BRAF: variants seen among roughly 807,000 people sequenced by gnomAD.
BRAF encodes the protein serine/threonine-protein kinase B-raf.
In BRAF, 16 loss-of-function variants were observed where a neutral mutation model predicts 104.6. That is an observed-to-expected ratio of 0.15 (90% CI 0.10 to 0.23). The LOEUF is 0.23. Among genes scored for constraint, BRAF ranks in the 10% least tolerant of loss-of-function variants. The pLI is 1.00. For synonymous variants in BRAF, 310 were observed against 341.6 expected, an observed-to-expected ratio of 0.91 and a Z score of 1.02; for missense variants, 541 against 937.3, an observed-to-expected ratio of 0.58 and a Z score of 5.52.
chr7:140,919,590 T>G (rs1243472132), intron 1 of BRAF, among the ~76,000 whole-genome samples: 1 of 152,070 alleles, frequency 6.6e-6, no homozygotes, highest in Non-Finnish European at 1.5e-5. Flanking sequence ...CCATGCTAAT[T>G]AAGTATGTTA....
intron 12 of BRAF, among the ~76,000 whole-genome samples, chr7:140,779,073 T>C (rs1431736436): frequency 6.6e-6 from 1 of 152,182 alleles, no homozygotes; most frequent in Admixed American, 6.5e-5. Context: ...CACAACAATA[T>C]AGATGAATCT....
intron 19 of BRAF, among the ~76,000 whole-genome samples, chr7:140,727,843 T>C (rs934517931): frequency 6.6e-6 from 1 of 151,570 alleles, no homozygotes; most frequent in Admixed American, 6.6e-5. Flanking sequence ...GGATGGTCTC[T>C]ATCTCCTGAC....
intron 3 of BRAF, 29 bp from the exon 4 acceptor site, chr7:140,809,024 G>GCTTT (rs756650184): frequency 1.0e-5 from 16 of 1,542,064 alleles, no homozygotes; most frequent in Non-Finnish European, 1.4e-5. Flanking sequence ...ATTGATAAGA[G>GCTTT]GTAAAGGGAG....
intron 1 of BRAF, among the ~76,000 whole-genome samples, chr7:140,874,518 TAAAAGAAAAAAAGTAA>T: frequency 9.6e-6 from 1 of 104,644 alleles, no homozygotes; most frequent in East Asian, 2.7e-4. Flanking sequence ...GTTTACTTTT[TAAAAGAAAAAAAGTAA>T]AAAAAAAAAA....
At chr7:140,828,585 T>G (rs1158398573) in intron 3 of BRAF, among the ~76,000 whole-genome samples, 1 of 152,180 alleles carries the variant, frequency 6.6e-6, no homozygotes, top group Non-Finnish European at 1.5e-5. Context: ...TTATAATACC[T>G]CTCAGAAAAA....
intron 14 of BRAF, among the ~76,000 whole-genome samples, chr7:140,760,822 G>A (rs1480647479): frequency 6.6e-6 from 1 of 152,100 alleles, no homozygotes; most frequent in Non-Finnish European, 1.5e-5. Context: ...AATGAAGCGA[G>A]AAGGGAAGTT....
At chr7:140,713,834 C>T in the BRAF span, among the ~76,000 whole-genome samples, 5 of 152,172 alleles carry the variant, frequency 3.3e-5, no homozygotes, top group Admixed American at 2.6e-4. Flanking sequence ...ACAGACAGGA[C>T]CATCAGCTGC....
intron 5 of BRAF, among the ~76,000 whole-genome samples, chr7:140,804,330 G>A (rs766981523): frequency 2.0e-5 from 3 of 151,224 alleles, no homozygotes; most frequent in African/African-American, 7.3e-5. Context: ...TCAGCCTCCC[G>A]AGCAGCTAGG....
At chr7:140,806,039 GCTTATTCTACCCACAACT>G (rs922368685) in intron 5 of BRAF, among the ~76,000 whole-genome samples, 2 of 152,100 alleles carry the variant, frequency 1.3e-5, no homozygotes, top group African/African-American at 4.8e-5. Context: ...GCTGGACTCT[GCTTATTCTACCCACAACT>G]CTTATTCTAC....
chr7:140,885,459 G>C (rs1813457648), intron 1 of BRAF, among the ~76,000 whole-genome samples: 1 of 152,056 alleles, frequency 6.6e-6, no homozygotes, highest in African/African-American at 2.4e-5. Flanking sequence ...AGAATGAAAA[G>C]GCAAATAGTA....
At chr7:140,905,809 C>T (rs1320524175) in intron 1 of BRAF, among the ~76,000 whole-genome samples, 1 of 152,088 alleles carries the variant, frequency 6.6e-6, no homozygotes, top group Non-Finnish European at 1.5e-5. Context: ...AAAACATAGG[C>T]CGGGCGCGGT....
intron 2 of BRAF, chr7:140,836,234 G>A (rs927894816): frequency 3.3e-5 from 5 of 152,098 alleles, no homozygotes; most frequent in African/African-American, 1.2e-4. Flanking sequence ...TTTAAATGAA[G>A]CTTTAGCAGC....
intron 1 of BRAF, among the ~76,000 whole-genome samples, chr7:140,852,373 G>A (rs1362544948): frequency 1.5e-5 from 2 of 136,632 alleles, no homozygotes; most frequent in Non-Finnish European, 3.1e-5. Flanking sequence ...AGTTTCTACC[G>A]CCACCCCACA....
chr7:140,718,375 T>A (rs751536694), downstream of BRAF, among the ~76,000 whole-genome samples: 14 of 152,198 alleles, frequency 9.2e-5, no homozygotes, highest in Non-Finnish European at 1.9e-4. Flanking sequence ...CTCAGCCTCC[T>A]GAGTAGCTGG....
intron 1 of BRAF, among the ~76,000 whole-genome samples, chr7:140,920,447 A>C (rs1323160012): frequency 1.3e-5 from 2 of 152,222 alleles, no homozygotes; most frequent in African/African-American, 4.8e-5. Context: ...CATGGAACAC[A>C]GGTTTCCAGC....
intron 14 of BRAF, among the ~76,000 whole-genome samples, chr7:140,761,951 C>G (rs1339528200): frequency 6.6e-6 from 1 of 152,168 alleles, no homozygotes; most frequent in African/African-American, 2.4e-5. Context: ...GAGACTTTAA[C>G]ATCCCACTGT....
rs138510862 is a variant in BRAF at position 140,907,661 on chromosome 7, C to G, written c.138+16905G>C. The stretch of plus-strand genomic sequence containing the variant: ...CACTGCAGCCTCAAACTCCTGGGCT[C>G]AAGCGGGTCCCAAATTCCTGGCCTC... On this transcript the variant is annotated intron_variant, in intron 1 of 19. Coordinates refer to ENST00000644969, the MANE Select transcript of BRAF (RefSeq NM_001374258.1). Among the ~76,000 whole-genome samples the G allele has an allele frequency of 3.0e-3, 459 of 152,086 alleles. 2 individuals are homozygous for G. Among genetic ancestry groups the G allele is most frequent in the African/African-American group, 9.5e-3 (395 of 41,462 alleles).
chr7:140,830,192 T>C (rs1806564629), intron 3 of BRAF, among the ~76,000 whole-genome samples: 1 of 152,166 alleles, frequency 6.6e-6, no homozygotes, highest in Admixed American at 6.5e-5. Context: ...TTTTACATCT[T>C]CTAGTTGCTT....
At position 140,761,632 on chromosome 7, in the gene BRAF, T is replaced by C. The variant is rs140432949; in HGVS notation, c.1815-7399A>G. 5.9e-3 allele frequency among the ~76,000 whole-genome samples: 899 copies of C among 152,202 alleles called. 8 individuals carry two copies. The highest frequency in any genetic ancestry group is 9.4e-3 in the Non-Finnish European group (637 of 68,020). On this transcript the variant is annotated intron_variant, in intron 14 of 19. Coordinates refer to ENST00000644969, the MANE Select transcript of BRAF (RefSeq NM_001374258.1). Reference sequence around the variant, plus strand: ...AGTCAAGACCCATCAGTGTGCTGCATACAGGAAACCCATCTCACATGCAGA... The same window carrying C: ...AGTCAAGACCCATCAGTGTGCTGCACACAGGAAACCCATCTCACATGCAGA...
Sources: allele counts gnomAD v4.1 joint callset (sites outside exome capture counted in the v4.1 genomes callset), GRCh38; gene constraint gnomAD v4.1.1; transcripts MANE v1.5; gene names NCBI Gene and HGNC (gene_info 2026-07-23, HGNC 2026-07-21).